The following CCDC38 variants were observed in gnomAD, a reference collection of about 807,000 sequenced individuals.
The protein encoded by CCDC38 is coiled-coil domain containing 38, also known as coiled-coil domain-containing protein 38.
CCDC38 carries 69 observed loss-of-function variants against 72.8 expected under a neutral mutation model. The ratio of observed to expected loss-of-function variants is 0.95; its 90% CI spans 0.78 to 1.16. The LOEUF is 1.16. Among genes scored for constraint, CCDC38 ranks in the 50% most tolerant of loss-of-function variants. The probability of loss-of-function intolerance (pLI) is 0.00; values close to 1 mark genes in which losing one functional copy is unlikely to be tolerated. For missense variants in CCDC38, 626 were observed against 638.9 expected (o/e 0.98, Z 0.22); for synonymous variants, 201 against 213.2 (o/e 0.94, Z 0.50).
chr12:95,933,283 C>T (rs1163526067), intron 2 of CCDC38: 2 of 152,066 alleles, frequency 1.3e-5, no homozygotes, highest in Non-Finnish European at 2.9e-5. Context: ...AATATTTGTA[C>T]TCCATAGAGA....
intron 2 of CCDC38, among the ~76,000 whole-genome samples, chr12:95,925,138 C>A (rs1382826290): frequency 6.6e-6 from 1 of 151,746 alleles, no homozygotes; most frequent in Non-Finnish European, 1.5e-5. Context: ...GGCAGTATGG[C>A]CATTTTCACG....
intron 13 of CCDC38, among the ~76,000 whole-genome samples, 176 bp downstream of exon 13, chr12:95,878,035 A>G (rs150185741): frequency 6.6e-5 from 10 of 152,354 alleles, no homozygotes; most frequent in South Asian, 6.2e-4. Context: ...CTTTCTGCCT[A>G]TGTAAATTGG....
intron 2 of CCDC38, chr12:95,919,536 G>A (rs1386767968): frequency 2.2e-6 from 1 of 456,058 alleles, no homozygotes; most frequent in Admixed American, 2.3e-5. Context: ...TTTAACAGTA[G>A]AATGCAGATA....
Position 95,884,629 on chromosome 12 carries a change from A to G in CCDC38, c.921-3075T>C, listed in dbSNP as rs541451359. 1.5e-3 allele frequency among the ~76,000 whole-genome samples: 225 copies of G among 152,348 alleles called. 1 individual carries two copies. The highest frequency in any genetic ancestry group is 5.1e-3 in the African/African-American group (212 of 41,586). On this transcript the variant is annotated intron_variant, in intron 10 of 15. Transcript: ENST00000344280. ...TCAGAAATCAAGGTGTCAACAGGCCATGTTCTCTCTGAGAGCTCCAGGGAA... is the reference window on the plus strand; with the variant it reads ...TCAGAAATCAAGGTGTCAACAGGCCGTGTTCTCTCTGAGAGCTCCAGGGAA...
At chr12:95,943,073 T>A, upstream of CCDC38, 1 of 276,520 alleles carries the variant, frequency 3.6e-6, no homozygotes. Context: ...CACAGCTCAC[T>A]TTGATCTCTC....
At chr12:95,882,247 T>C (rs545245385) in intron 10 of CCDC38, among the ~76,000 whole-genome samples, 9 of 152,146 alleles carry the variant, frequency 5.9e-5, no homozygotes, top group Non-Finnish European at 1.2e-4. Flanking sequence ...AGGGCAGTGA[T>C]GATGGCAACG....
chr12:95,925,096 T>A (rs2080254194), intron 2 of CCDC38, among the ~76,000 whole-genome samples: 1 of 151,480 alleles, frequency 6.6e-6, no homozygotes, highest in Non-Finnish European at 1.5e-5. Context: ...GGTAGCTTGA[T>A]GGGGATGGCA....
At chr12:95,926,520 G>GT (rs1439669810) in intron 2 of CCDC38, among the ~76,000 whole-genome samples, 4 of 151,908 alleles carry the variant, frequency 2.6e-5, no homozygotes, top group East Asian at 3.9e-4. Flanking sequence ...TTTTTGAAGG[G>GT]TTTTTTGTGT....
intron 4 of CCDC38, among the ~76,000 whole-genome samples, chr12:95,909,154 C>G (rs2080063436): frequency 6.6e-6 from 1 of 151,900 alleles, no homozygotes; most frequent in East Asian, 1.9e-4. Flanking sequence ...AGACCACTAG[C>G]TAGATTAACA....
chr12:95,892,945 T>A lies in CCDC38; in HGVS notation c.773-2015A>T, dbSNP rs2079845278. On this transcript the variant is annotated intron_variant, in intron 8 of 15. Transcript: ENST00000344280. ...GACCCAATGCCAGTACATGACTGTTTCAATTACTGAGACTCCATGATAATA... is the reference window on the plus strand; with the variant it reads ...GACCCAATGCCAGTACATGACTGTTACAATTACTGAGACTCCATGATAATA... Among the ~76,000 whole-genome samples, 3 of 152,146 alleles carry A rather than the reference T, an allele frequency of 2.0e-5. No individual in the cohort carries two copies. The South Asian group carries it at 6.2e-4, about 32-fold the overall frequency.
At chr12:95,896,901 A>G (rs1375214303) in intron 7 of CCDC38, among the ~76,000 whole-genome samples, 1 of 152,252 alleles carries the variant, frequency 6.6e-6, no homozygotes, top group Non-Finnish European at 1.5e-5. Context: ...GCTATTGTGC[A>G]TAAATGCAAT....
At position 95,898,548 on chromosome 12, in the gene CCDC38, G is replaced by A. The variant is rs759226215; in HGVS notation, c.533+20C>T. Reference sequence around the variant, plus strand: ...AAACAAAAGAGGTGGGAAGGATTTGGCCAGAGTGATGAAACAAACATTTTC... The same window carrying A: ...AAACAAAAGAGGTGGGAAGGATTTGACCAGAGTGATGAAACAAACATTTTC... On this transcript the variant is annotated intron_variant, in intron 6 of 15. Transcript: ENST00000344280. The A allele has an allele frequency of 2.5e-6, 4 of 1,614,024 alleles. No homozygotes were observed. The Admixed American group carries it at 6.7e-5, about 27-fold the overall frequency.
At chr12:95,908,467 G>T (rs1458110826) in intron 4 of CCDC38, among the ~76,000 whole-genome samples, 3 of 12 alleles carry the variant, frequency 0.25, no homozygotes, top group African/African-American at 0.5. Flanking sequence ...GAGGGAGAGG[G>T]AGAGGGAGAG....
chr12:95,924,679 C>T (rs1406169652), intron 2 of CCDC38, among the ~76,000 whole-genome samples: 1,937 of 151,232 alleles, frequency 0.013, 36 homozygotes, highest in African/African-American at 0.044. Context: ...TTAGGTCTAA[C>T]GTTTAAGTCT....
At chr12:95,893,420 TC>T (rs1565949931) in intron 8 of CCDC38, among the ~76,000 whole-genome samples, 1 of 57,464 alleles carries the variant, frequency 1.7e-5, no homozygotes, top group East Asian at 7.3e-4. Flanking sequence ...CCTCCCTCCC[TC>T]CCTCCCTCCC....
chr12:95,895,617 G>C (rs565474150), intron 7 of CCDC38, among the ~76,000 whole-genome samples: 11 of 152,096 alleles, frequency 7.2e-5, no homozygotes, highest in Admixed American at 7.2e-4. Context: ...GCCAGGTATG[G>C]TGGTGGGCGC....
At chr12:95,931,939 A>G (rs550361096) in intron 2 of CCDC38, among the ~76,000 whole-genome samples, 2 of 152,278 alleles carry the variant, frequency 1.3e-5, no homozygotes, top group East Asian at 1.9e-4. Flanking sequence ...GCAACAGCCA[A>G]TGCAAAGGTC....
intron 1 of CCDC38, among the ~76,000 whole-genome samples, chr12:95,941,827 T>C (rs1489016326): frequency 6.6e-6 from 1 of 152,164 alleles, no homozygotes; most frequent in Non-Finnish European, 1.5e-5. Flanking sequence ...TGATTGTGTA[T>C]ATGAGCTGTG....
chr12:95,923,460 C>G (rs2080230907), intron 2 of CCDC38, among the ~76,000 whole-genome samples: 1 of 152,062 alleles, frequency 6.6e-6, no homozygotes, highest in Non-Finnish European at 1.5e-5. Context: ...GGCTGGACAC[C>G]TCTTCCCCAA....
Sources: gnomAD v4.1 joint callset for allele counts (sites outside exome capture counted in the v4.1 genomes callset) on GRCh38, gnomAD v4.1.1 for gene constraint, MANE v1.5 for transcripts, NCBI Gene and HGNC (gene_info 2026-07-23, HGNC 2026-07-21) for gene names.